Variants in IL1RAPL1 observed in about 807,000 individuals in gnomAD.
IL1RAPL1 encodes interleukin 1 receptor accessory protein like 1.
Under a neutral mutation model 48.4 loss-of-function variants are expected in IL1RAPL1, and 3 were observed. The observed-to-expected ratio is 0.06, with a 90% CI of 0.03 to 0.16. The LOEUF (loss-of-function observed/expected upper bound fraction) is 0.16. IL1RAPL1 is among the 10% of genes least tolerant of loss of function. The probability of loss-of-function intolerance (pLI) is 1.00; values close to 1 mark genes in which losing one functional copy is unlikely to be tolerated. For synonymous variants in IL1RAPL1, 185 were observed against 187.7 expected (o/e 0.99, Z 0.12); for missense variants, 349 against 530.6 (o/e 0.66, Z 3.36).
chrX:29,159,450 C>A, intron 2 of IL1RAPL1, among the ~76,000 whole-genome samples: 1 of 111,701 alleles, frequency 9.0e-6, no homozygotes, highest in Admixed American at 9.6e-5. Flanking sequence ...TAATTTTTGG[C>A]AGATGATAGC....
intron 5 of IL1RAPL1, among the ~76,000 whole-genome samples, chrX:29,581,963 G>A (rs1210017413): frequency 1.8e-5 from 2 of 111,497 alleles, no homozygotes; most frequent in African/African-American, 6.5e-5. Context: ...TTTTAGGGTT[G>A]GTCTTGCAAA....
intron 5 of IL1RAPL1, among the ~76,000 whole-genome samples, chrX:29,542,941 A>G (rs1433568839): frequency 1.8e-5 from 2 of 111,777 alleles, no homozygotes; most frequent in Non-Finnish European, 3.8e-5. Context: ...AGGAAACTAG[A>G]GTTGTAAATC....
intron 6 of IL1RAPL1, among the ~76,000 whole-genome samples, chrX:29,807,011 G>T (rs897217052): frequency 1.8e-5 from 2 of 110,863 alleles, no homozygotes; most frequent in Non-Finnish European, 3.8e-5. Context: ...CCCAGAAGCA[G>T]TCATGCATAC....
intron 5 of IL1RAPL1, among the ~76,000 whole-genome samples, chrX:29,630,377 G>C (rs769117388): frequency 1.2e-3 from 134 of 111,531 alleles, no homozygotes; most frequent in Middle Eastern, 9.3e-3. Context: ...ATTAATTCAG[G>C]TTTATTGGGA....
intron 1 of IL1RAPL1, among the ~76,000 whole-genome samples, chrX:28,612,305 G>A (rs1363607755): frequency 8.9e-6 from 1 of 112,184 alleles, no homozygotes; most frequent in African/African-American, 3.2e-5. Flanking sequence ...TCAAAGAAAG[G>A]GGTGCACACA....
intron 3 of IL1RAPL1, among the ~76,000 whole-genome samples, chrX:29,332,106 T>TA (rs1932890920): frequency 1.1e-5 from 1 of 90,043 alleles, no homozygotes; most frequent in Non-Finnish European, 2.1e-5. Context: ...TTTTTTTTTT[T>TA]TTTTTTTTTT....
chrX:29,937,037 G>A (rs947417931), intron 8 of IL1RAPL1, among the ~76,000 whole-genome samples: 1 of 111,446 alleles, frequency 9.0e-6, no homozygotes, highest in Non-Finnish European at 1.9e-5. Flanking sequence ...CTAAATGATC[G>A]CTGGGGCCCT....
At chrX:29,212,650 C>A (rs1275059136) in intron 2 of IL1RAPL1, among the ~76,000 whole-genome samples, 2 of 112,121 alleles carry the variant, frequency 1.8e-5, no homozygotes, top group African/African-American at 6.5e-5. Context: ...TACTCTTGAC[C>A]AGAAGCCTTA....
chrX:29,285,694 C>A (rs1932274071), intron 3 of IL1RAPL1, among the ~76,000 whole-genome samples: 1 of 111,045 alleles, frequency 9.0e-6, no homozygotes, highest in African/African-American at 3.3e-5. Context: ...TTATGTGTGT[C>A]AAGTGGCAAT....
chrX:29,659,911 T>A (rs759219799), intron 5 of IL1RAPL1, among the ~76,000 whole-genome samples: 2 of 111,827 alleles, frequency 1.8e-5, no homozygotes, highest in South Asian at 7.5e-4. Context: ...ACTAGGTAAT[T>A]TATGAAGAAA....
intron 2 of IL1RAPL1, among the ~76,000 whole-genome samples, chrX:29,254,279 C>T (rs1283704702): frequency 9.0e-6 from 1 of 111,605 alleles, no homozygotes; most frequent in Admixed American, 9.6e-5. Context: ...GAACAAATGC[C>T]ACCATCTTTC....
At chrX:28,794,498 G>C (rs1355894659) in intron 2 of IL1RAPL1, among the ~76,000 whole-genome samples, 1 of 111,618 alleles carries the variant, frequency 9.0e-6, no homozygotes, top group South Asian at 3.8e-4. Context: ...ATATGGAGAA[G>C]AGTAAGTGGC....
intron 5 of IL1RAPL1, among the ~76,000 whole-genome samples, chrX:29,624,884 A>G (rs1259962094): frequency 9.0e-6 from 1 of 111,306 alleles, no homozygotes; most frequent in Non-Finnish European, 1.9e-5. Flanking sequence ...ATTAATTGAC[A>G]TCTATATTTA....
chrX:28,639,644 A>T (rs1934510296), intron 1 of IL1RAPL1, among the ~76,000 whole-genome samples: 1 of 111,520 alleles, frequency 9.0e-6, no homozygotes, highest in South Asian at 3.8e-4. Flanking sequence ...GGAAGTACTC[A>T]CAGGAAATAC....
At chrX:29,035,550 G>A (rs1379444886) in intron 2 of IL1RAPL1, among the ~76,000 whole-genome samples, 1 of 111,280 alleles carries the variant, frequency 9.0e-6, no homozygotes, top group Non-Finnish European at 1.9e-5. Flanking sequence ...GCAGAAGGCG[G>A]AGAATTGCTT....
intron 2 of IL1RAPL1, among the ~76,000 whole-genome samples, chrX:28,977,722 G>A (rs1347746799): frequency 1.8e-5 from 2 of 112,362 alleles, no homozygotes; most frequent in African/African-American, 6.5e-5. Context: ...ACTTTGGGAG[G>A]CCAAGGCAGG....
chrX:29,531,337 G>A (rs1921032147), intron 5 of IL1RAPL1, among the ~76,000 whole-genome samples: 1 of 111,632 alleles, frequency 9.0e-6, no homozygotes, highest in African/African-American at 3.3e-5. Context: ...AAAAACACAA[G>A]TTGTGAGTGA....
chrX:29,397,226 G>A (rs962013048), intron 4 of IL1RAPL1, among the ~76,000 whole-genome samples: 7 of 111,971 alleles, frequency 6.3e-5, no homozygotes, highest in Non-Finnish European at 1.3e-4. Flanking sequence ...CATTTGCTTT[G>A]TCTAACTCAC....
chrX:29,753,218 C>T (rs773613287), intron 6 of IL1RAPL1, among the ~76,000 whole-genome samples: 15 of 111,755 alleles, frequency 1.3e-4, no homozygotes, highest in Non-Finnish European at 2.6e-4. Flanking sequence ...AATACTGTTA[C>T]AACCTCACTC....
Sources: allele counts gnomAD v4.1 joint callset (sites outside exome capture counted in the v4.1 genomes callset), GRCh38; gene constraint gnomAD v4.1.1; transcripts MANE v1.5; gene names NCBI Gene and HGNC (gene_info 2026-07-23, HGNC 2026-07-21).